The following PDE4B variants were observed in gnomAD, a reference collection of about 807,000 sequenced individuals.
The protein encoded by PDE4B is phosphodiesterase 4B.
PDE4B carries 20 observed loss-of-function variants against 82.2 expected under a neutral mutation model. The observed-to-expected ratio is 0.24, with a 90% confidence interval of 0.17 to 0.35. The LOEUF (loss-of-function observed/expected upper bound fraction) is 0.35, where lower values mean the gene tolerates loss of function less well. PDE4B is among the 10% of genes least tolerant of loss of function. The pLI, the probability that PDE4B is intolerant of heterozygous loss-of-function variation, is 1.00. For missense variants in PDE4B, 655 were observed against 907.2 expected (o/e 0.72, Z 3.57); for synonymous variants, 320 against 318.9 (o/e 1.00, Z -0.04).
intron 7 of PDE4B, among the ~76,000 whole-genome samples, chr1:66,281,420 T>C (rs917419779): frequency 3.3e-5 from 5 of 152,172 alleles, no homozygotes; most frequent in Non-Finnish European, 7.4e-5. Flanking sequence ...TTTAACCCAC[T>C]AGAGATCTGG....
intron 1 of PDE4B, among the ~76,000 whole-genome samples, chr1:65,847,705 A>T (rs772056099): frequency 6.6e-6 from 1 of 152,216 alleles, no homozygotes; most frequent in African/African-American, 2.4e-5. Flanking sequence ...TGTTGAACAC[A>T]TAGAGAACTA....
At chr1:65,878,589 GATGA>G (rs1305370998) in intron 1 of PDE4B, among the ~76,000 whole-genome samples, 1 of 152,134 alleles carries the variant, frequency 6.6e-6, no homozygotes, top group Admixed American at 6.5e-5. Flanking sequence ...CAGGGACGTG[GATGA>G]AGCTGGAAAC....
chr1:66,200,951 T>G (rs558784323), intron 3 of PDE4B, among the ~76,000 whole-genome samples: 1,526 of 152,310 alleles, frequency 0.01, 24 homozygotes, highest in African/African-American at 0.035. Context: ...CTTCCAGTTT[T>G]TGCCCATTCA....
intron 3 of PDE4B, among the ~76,000 whole-genome samples, chr1:65,968,947 A>G (rs1188049597): frequency 2.0e-5 from 3 of 152,192 alleles, no homozygotes; most frequent in African/African-American, 7.2e-5. Flanking sequence ...TTATATTAAA[A>G]TATTCATAAC....
intron 7 of PDE4B, among the ~76,000 whole-genome samples, chr1:66,279,988 A>G (rs1192264095): frequency 6.6e-6 from 1 of 152,228 alleles, no homozygotes; most frequent in East Asian, 1.9e-4. Flanking sequence ...ACTATAGACT[A>G]GCCAAGTCAG....
At chr1:66,004,034 T>A (rs960590515) in intron 3 of PDE4B, among the ~76,000 whole-genome samples, 3 of 152,172 alleles carry the variant, frequency 2.0e-5, no homozygotes, top group Admixed American at 2.0e-4. Flanking sequence ...TAACTGCATC[T>A]TTTACCATAC....
At chr1:65,825,657 G>T (rs1646005273) in intron 1 of PDE4B, among the ~76,000 whole-genome samples, 1 of 151,676 alleles carries the variant, frequency 6.6e-6, no homozygotes, top group Admixed American at 6.6e-5. Context: ...ACCAGCCTAG[G>T]CAACATGGAC....
chr1:66,178,542 G>A (rs554382822), intron 3 of PDE4B, among the ~76,000 whole-genome samples: 98 of 152,164 alleles, frequency 6.4e-4, no homozygotes, highest in African/African-American at 2.3e-3. Context: ...TTTAGTTAAT[G>A]AATATGTTTA....
intron 3 of PDE4B, among the ~76,000 whole-genome samples, chr1:65,954,311 C>T (rs1039976281): frequency 2.0e-5 from 3 of 152,074 alleles, no homozygotes; most frequent in Admixed American, 6.6e-5. Flanking sequence ...CAAACTAGGC[C>T]ACCATACTTG....
chr1:66,178,548 G>T (rs572529747), intron 3 of PDE4B, among the ~76,000 whole-genome samples: 1 of 152,170 alleles, frequency 6.6e-6, no homozygotes, highest in African/African-American at 2.4e-5. Context: ...TAATGAATAT[G>T]TTTAAATTTT....
At chr1:66,173,356 C>T (rs1217301683) in intron 3 of PDE4B, among the ~76,000 whole-genome samples, 1 of 152,164 alleles carries the variant, frequency 6.6e-6, no homozygotes, top group Non-Finnish European at 1.5e-5. Context: ...CAGAGACGGG[C>T]ATAAGCCAAA....
At position 66,372,316 on chromosome 1, in the gene PDE4B, G is replaced by T; in HGVS notation, c.1849G>T (p.Gly617Cys). The T allele has an allele frequency of 6.3e-7, 1 of 1,598,850 alleles. No individual in the cohort carries two copies. The highest frequency in any genetic ancestry group is 1.1e-5 in the South Asian group (1 of 90,262). Residue 617 changes from glycine to cysteine, a missense_variant, in exon 17 of 17, where the codon GGT becomes TGT. Physicochemically the swap from Gly to Cys is radical, Grantham distance 159 (BLOSUM62 -3). Transcript: ENST00000341517. ...HTASVEKSQV[G>C]FIDYIVHPLW... ...GTGTCATCTTATTTTTCTCCAGGTT[G>T]GTTTCATCGACTACATTGTCCATCC...
At chr1:66,233,561 G>A (rs1327274907) in intron 3 of PDE4B, among the ~76,000 whole-genome samples, 1 of 152,144 alleles carries the variant, frequency 6.6e-6, no homozygotes, top group Admixed American at 6.5e-5. Flanking sequence ...AAAATGTTGA[G>A]TAGAAGCGGA....
At chr1:66,141,871 A>G (rs541312047) in intron 3 of PDE4B, among the ~76,000 whole-genome samples, 1 of 152,174 alleles carries the variant, frequency 6.6e-6, no homozygotes, top group Non-Finnish European at 1.5e-5. Flanking sequence ...AACATAGTTG[A>G]CTCTTGAACA....
chr1:65,923,693 T>C (rs1647338001), intron 3 of PDE4B, among the ~76,000 whole-genome samples: 1 of 152,238 alleles, frequency 6.6e-6, no homozygotes, highest in Non-Finnish European at 1.5e-5. Flanking sequence ...TTTTGTCTTC[T>C]GTTGTTACTA....
In PDE4B at chr1:66,340,375, G is replaced by C. The variant is rs76291896; in HGVS notation, c.747+7755G>C. On this transcript the variant is annotated intron_variant, in intron 8 of 16. Coordinates refer to ENST00000341517, the MANE Select transcript of PDE4B (RefSeq NM_002600.4). ...TTTGTTTCTGCTTTGGGAAGTGCCAGATAATTTTTTCTTCTTATGGAATAG... is the reference window on the plus strand; with the variant it reads ...TTTGTTTCTGCTTTGGGAAGTGCCACATAATTTTTTCTTCTTATGGAATAG... Among the ~76,000 whole-genome samples the C allele has an allele frequency of 9.9e-4, 151 of 152,274 alleles. 2 individuals carry two copies. In the East Asian group the frequency reaches 0.025, roughly 26 times the overall value.
intron 7 of PDE4B, among the ~76,000 whole-genome samples, chr1:66,299,316 T>G (rs1020963774): frequency 1.3e-5 from 2 of 152,152 alleles, no homozygotes; most frequent in Admixed American, 6.6e-5. Context: ...TTAGTGAAAC[T>G]TGCAGTATTT....
intron 3 of PDE4B, among the ~76,000 whole-genome samples, chr1:65,945,377 G>C (rs1648655656): frequency 6.6e-6 from 1 of 151,948 alleles, no homozygotes; most frequent in Admixed American, 6.6e-5. Context: ...ATTCCAATTT[G>C]GTTGTCATAT....
At position 65,851,282 on chromosome 1, in the gene PDE4B, T is replaced by A. The variant is rs958580640; in HGVS notation, c.-71+58034T>A. 1.3e-5 allele frequency among the ~76,000 whole-genome samples: 2 copies of A among 152,108 alleles called. 1 individual carries two copies. The highest frequency in any genetic ancestry group is 4.1e-4 in the South Asian group (2 of 4,834). ...CCCAATATGTACTTTTTCAAAACAG[T>A]TTTTGCTATTTTAGCATTTTTTTCT... On this transcript the variant is annotated intron_variant, in intron 1 of 16. Transcript: ENST00000341517.
Sources: allele counts gnomAD v4.1 joint callset (sites outside exome capture counted in the v4.1 genomes callset), GRCh38; gene constraint gnomAD v4.1.1; transcripts MANE v1.5; gene names NCBI Gene and HGNC (gene_info 2026-07-23, HGNC 2026-07-21).